Variants in SAFB observed in about 807,000 individuals in gnomAD.
The protein encoded by SAFB is scaffold attachment factor B, also known as scaffold attachment factor B1.
Under a neutral mutation model 101.6 loss-of-function variants are expected in SAFB, and 15 were observed. That is an observed-to-expected ratio of 0.15 (90% CI 0.10 to 0.23). SAFB has a LOEUF of 0.23. Ranked by LOEUF, SAFB falls within the 10% of genes least tolerant of loss-of-function variation. SAFB has a pLI of 1.00. For synonymous variants in SAFB, 449 were observed against 407.5 expected, an observed-to-expected ratio of 1.10 and a Z score of -1.23; for missense variants, 930 against 1,104.1, an observed-to-expected ratio of 0.84 and a Z score of 2.23.
intron 2 of SAFB, among the ~76,000 whole-genome samples, chr19:5,630,771 A>G (rs1488322367): frequency 2.0e-5 from 3 of 151,848 alleles, no homozygotes; most frequent in South Asian, 2.1e-4. Context: ...AAAAAAAACT[A>G]TATGTATAAC....
At chr19:5,647,617 G>A (rs531149980) in intron 5 of SAFB, among the ~76,000 whole-genome samples, 1 of 152,312 alleles carries the variant, frequency 6.6e-6, no homozygotes, top group East Asian at 1.9e-4. Flanking sequence ...TCAGTCTTTC[G>A]AATATCAGAA....
At chr19:5,635,647 C>G (rs554951061) in intron 2 of SAFB, among the ~76,000 whole-genome samples, 40 of 152,130 alleles carry the variant, frequency 2.6e-4, no homozygotes, top group Middle Eastern at 3.2e-3. Context: ...GCCCTGGGTA[C>G]TATGGGAGCA....
chr19:5,663,942 C>G, intron 15 of SAFB, 80 bp from the exon 16 acceptor site: 1 of 1,477,840 alleles, frequency 6.8e-7, no homozygotes, highest in East Asian at 2.3e-5. Context: ...CTGTGAAGTG[C>G]TAGGGGCCAG....
Position 5,641,860 on chromosome 19 carries a change from G to C in SAFB, c.460G>C (p.Asp154His). ...VADCVEDDDADNLQESLSDSR... is the reference protein window; with the variant it reads ...VADCVEDDDAHNLQESLSDSR... ...AGATTGTGTCGAAGACGATGATGCTGATAACCTCCAGGAGTCCCTGTCGGA... is the reference window on the plus strand; with the variant it reads ...AGATTGTGTCGAAGACGATGATGCTCATAACCTCCAGGAGTCCCTGTCGGA... The change falls in exon 4 of 21, where the codon GAT becomes CAT. Residue 154 changes from aspartate to histidine, a missense_variant. Physicochemically the swap from Asp to His is moderately conservative, Grantham distance 81. This residue lies in a region of SAFB where 119 missense variants were observed against 171.4 expected (regional missense o/e 0.69). Transcript: ENST00000588852. 6.2e-7 allele frequency: 1 copy of C among 1,614,156 alleles called. No individual in the cohort carries two copies. Among genetic ancestry groups the C allele is most frequent in the Non-Finnish European group, 8.5e-7 (1 of 1,180,002 alleles).
intron 2 of SAFB, among the ~76,000 whole-genome samples, chr19:5,637,482 C>G (rs1369437895): frequency 6.6e-6 from 1 of 151,774 alleles, no homozygotes; most frequent in African/African-American, 2.4e-5. Context: ...ATAGTGAGAC[C>G]CCACTGCTAC....
Position 5,661,650 on chromosome 19 carries a change from G to A in SAFB, c.1995G>A (p.Glu665=). Residue 665 remains glutamate (E), a synonymous_variant, in exon 15 of 21, where the codon GAG becomes GAA. Coordinates refer to ENST00000588852, the MANE Select transcript of SAFB (RefSeq NM_001201338.2). ...AGCGGCTGGAGCGGGAGCGCATGGA[G>A]CGGGAACGGCTGGAGCGCGAACGCA... ...QRQRLERERM[E]RERLERERMH... 6.2e-7 allele frequency: 1 copy of A among 1,612,170 alleles called. No individual in the cohort carries two copies. The highest frequency in any genetic ancestry group is 8.5e-7 in the Non-Finnish European group (1 of 1,179,592).
intron 13 of SAFB, among the ~76,000 whole-genome samples, chr19:5,655,453 C>T (rs1287869546): frequency 6.9e-6 from 1 of 144,948 alleles, no homozygotes; most frequent in African/African-American, 2.6e-5. Context: ...GAGTGAGACC[C>T]CATCTCAAAA....
intron 2 of SAFB, among the ~76,000 whole-genome samples, chr19:5,626,999 G>A (rs2072435888): frequency 6.6e-6 from 1 of 152,026 alleles, no homozygotes; most frequent in South Asian, 2.1e-4. Flanking sequence ...GGCAACATAG[G>A]GAGACCCCCA....
intron 15 of SAFB, among the ~76,000 whole-genome samples, chr19:5,663,537 C>G (rs1010065162): frequency 1.3e-5 from 2 of 152,192 alleles, no homozygotes; most frequent in African/African-American, 4.8e-5. Flanking sequence ...GTAAACTGTT[C>G]TAGGATCTAT....
intron 2 of SAFB, among the ~76,000 whole-genome samples, chr19:5,639,665 C>T (rs2053663886): frequency 1.3e-5 from 2 of 149,542 alleles, no homozygotes; most frequent in African/African-American, 2.5e-5. Context: ...TGCACTCCAG[C>T]CTGGGTGACA....
intron 17 of SAFB, chr19:5,666,326 C>G (rs117816362): frequency 0.017 from 2,577 of 152,430 alleles, 42 homozygotes; most frequent in East Asian, 0.028. Context: ...TTGGTCTTCC[C>G]TGAAACAGCA....
At chr19:5,657,888 G>T (rs1301067660) in intron 14 of SAFB, among the ~76,000 whole-genome samples, 2 of 152,198 alleles carry the variant, frequency 1.3e-5, no homozygotes, top group African/African-American at 2.4e-5. Context: ...AAGGCAGGGA[G>T]ATGGAATGCC....
At chr19:5,651,854 A>C (rs765808307) in intron 9 of SAFB, among the ~76,000 whole-genome samples, 4 of 152,220 alleles carry the variant, frequency 2.6e-5, no homozygotes, top group Non-Finnish European at 5.9e-5. Flanking sequence ...ACATTGCAAT[A>C]TAGAAAACCA....
At chr19:5,657,453 A>T in intron 14 of SAFB, 106 bp downstream of exon 14, 1 of 683,642 alleles carries the variant, frequency 1.5e-6, no homozygotes, top group Non-Finnish European at 2.5e-6. Flanking sequence ...AGAGCTGTGA[A>T]CCTTTTTGCT....
intron 13 of SAFB, 28 bp from the exon 14 acceptor site, chr19:5,657,212 TA>T: frequency 6.3e-7 from 1 of 1,583,540 alleles, no homozygotes; most frequent in Non-Finnish European, 8.7e-7. Context: ...GCCTCTGCTT[TA>T]ACTTTTTAAT....
intron 2 of SAFB, among the ~76,000 whole-genome samples, chr19:5,633,943 G>C (rs924371261): frequency 2.0e-5 from 3 of 152,134 alleles, no homozygotes; most frequent in Non-Finnish European, 4.4e-5. Context: ...GCCAAAGACA[G>C]CTTAAGAAAG....
rs1471875754 is a variant in SAFB, at chr19:5,623,159, C to T, written c.-47C>T. ...ATTTTGTGCTAGGAGCCTGATAAAACCGGCCCGGTTCTGTGGAAAGTGGGC... is the reference window on the plus strand; with the variant it reads ...ATTTTGTGCTAGGAGCCTGATAAAATCGGCCCGGTTCTGTGGAAAGTGGGC... On this transcript the variant is annotated 5_prime_UTR_variant, in exon 1 of 21. Coordinates refer to ENST00000588852, the MANE Select transcript of SAFB (RefSeq NM_001201338.2). 2.0e-6 allele frequency: 3 copies of T among 1,537,828 alleles called. No homozygotes were observed. Among genetic ancestry groups the T allele is most frequent in the South Asian group, 1.2e-5 (1 of 84,036 alleles).
chr19:5,642,039 T>C, intron 4 of SAFB, 93 bp downstream of exon 4: 1 of 1,015,630 alleles, frequency 9.8e-7, no homozygotes, highest in South Asian at 1.3e-5. Context: ...AAGTAAGTTG[T>C]TCTGTAATGC....
intron 4 of SAFB, among the ~76,000 whole-genome samples, chr19:5,644,901 A>T (rs2053794917): frequency 6.6e-6 from 1 of 152,182 alleles, no homozygotes; most frequent in African/African-American, 2.4e-5. Flanking sequence ...TACCTACCCC[A>T]GGGGCAGCAG....
Sources: allele counts gnomAD v4.1 joint callset (sites outside exome capture counted in the v4.1 genomes callset), GRCh38; gene constraint gnomAD v4.1.1; regional missense constraint gnomAD v4.1.1; transcripts MANE v1.5; gene names NCBI Gene and HGNC (gene_info 2026-07-23, HGNC 2026-07-21).